RTCB: variants seen among roughly 807,000 people sequenced by gnomAD.
The protein encoded by RTCB is RNA 2',3'-cyclic phosphate and 5'-OH ligase.
Under a neutral mutation model 58.2 loss-of-function variants are expected in RTCB, and 32 were observed. The observed-to-expected ratio is 0.55, with a 90% confidence interval of 0.41 to 0.74. The LOEUF (loss-of-function observed/expected upper bound fraction) is 0.74, where lower values mean the gene tolerates loss of function less well. Among genes scored for constraint, RTCB ranks in the 30% least tolerant of loss-of-function variants. The probability of loss-of-function intolerance (pLI) is 0.00; values close to 1 mark genes in which losing one functional copy is unlikely to be tolerated. For synonymous variants in RTCB, 247 were observed against 218.6 expected (o/e 1.13, Z -1.15); for missense variants, 523 against 639.0 (o/e 0.82, Z 1.96).
chr22:32,412,212 G>C lies in RTCB; in HGVS notation c.-56C>G. ...CTCCGCTTTGAAGAGCCGCTGCCGC[G>C]TAGTCCGGCTTCTCAGAGCACCGCC... is the stretch of plus-strand genomic sequence containing the variant. On this transcript the variant is annotated 5_prime_UTR_variant, in exon 1 of 12. Coordinates refer to ENST00000216038, the MANE Select transcript of RTCB (RefSeq NM_014306.5). The C allele has an allele frequency of 1.4e-6, 2 of 1,438,928 alleles. No individual in the cohort carries two copies. Among genetic ancestry groups the C allele is most frequent in the African/African-American group, 1.4e-5 (1 of 70,578 alleles). 89.1% of individuals were successfully genotyped at this position (1,438,928 alleles called of 1,614,324 possible).
rs778540842 is a variant in RTCB, at chr22:32,388,097, A to G, written c.1413T>C (p.Ala471=). The G allele has an allele frequency of 1.9e-6, 3 of 1,596,102 alleles. No individual in the cohort carries two copies. Among genetic ancestry groups the G allele is most frequent in the East Asian group, 2.2e-5 (1 of 44,706 alleles). ...VASPKLVMEE[A]PESYKNVTDV... ...CTGTCACATTCTTATAGGACTCAGGAGCCTGCAGGAGAGGAATTTAAACAT... is the reference window on the plus strand; with the variant it reads ...CTGTCACATTCTTATAGGACTCAGGGGCCTGCAGGAGAGGAATTTAAACAT... The change falls in exon 12 of 12, where the codon GCT becomes GCC. Residue 471 remains alanine (A), a splice_region_variant and synonymous_variant. Coordinates refer to ENST00000216038, the MANE Select transcript of RTCB (RefSeq NM_014306.5).
rs1202098585 is a variant in RTCB at position 32,387,825 on chromosome 22, C to T, written c.*167G>A. The T allele has an allele frequency of 3.0e-5, 17 of 558,516 alleles. No individual in the cohort carries two copies. In the South Asian group the frequency reaches 3.0e-4, roughly 10 times the overall value. The allele number at this position is 558,516 out of a possible 1,614,324, so 34.6% of individuals were successfully genotyped here. A position where few individuals can be genotyped will look rare whatever the true frequency, so the allele number is the denominator to read the frequency against. ...TTCCTGGAAGGTTATTTTACAAGCA[C>T]GGGCCCCTGAAAGCAGCAGCCTCCC... On this transcript the variant is annotated 3_prime_UTR_variant, in exon 12 of 12. Transcript: ENST00000216038.
chr22:32,396,089 G>GA lies in RTCB; in HGVS notation c.974_975insT (p.Phe326LeufsTer16). 1.2e-6 allele frequency: 2 copies of GA among 1,614,060 alleles called. No homozygotes were observed. The highest frequency in any genetic ancestry group is 1.7e-6 in the Non-Finnish European group (2 of 1,179,932). ...TCTACTGTACCTGACGGGTTAAGAA[G>GA]GTCATGGAAGAGCGGTTGACCCAGG... On this transcript the variant is annotated frameshift_variant, in exon 8 of 12. Coordinates refer to ENST00000216038, the MANE Select transcript of RTCB (RefSeq NM_014306.5). LOFTEE classifies it high-confidence loss of function.
chr22:32,397,840 C>A, intron 7 of RTCB, 101 bp downstream of exon 7: 1 of 1,112,874 alleles, frequency 9.0e-7, no homozygotes, highest in Non-Finnish European at 1.3e-6. Flanking sequence ...TTGTTGAGGA[C>A]TCAGGATAAA....
At chr22:32,392,736 T>C (rs942815692) in intron 10 of RTCB, among the ~76,000 whole-genome samples, 1 of 152,148 alleles carries the variant, frequency 6.6e-6, no homozygotes, top group Non-Finnish European at 1.5e-5. Flanking sequence ...AATTAGGAGT[T>C]GGGAGGCAGC....
chr22:32,391,986 A>G (rs1933160589), intron 11 of RTCB, among the ~76,000 whole-genome samples: 2 of 152,224 alleles, frequency 1.3e-5, no homozygotes, highest in Admixed American at 6.5e-5. Context: ...GAAAAGCTTA[A>G]TATGTAGATG....
chr22:32,391,859 C>T (rs1933159175), intron 11 of RTCB, among the ~76,000 whole-genome samples: 1 of 152,046 alleles, frequency 6.6e-6, no homozygotes, highest in Non-Finnish European at 1.5e-5. Context: ...ATCTGTTCTC[C>T]TGTGAATCAA....
At position 32,399,777 on chromosome 22, in the gene RTCB, G is replaced by A; in HGVS notation, c.498-18C>T. 6.2e-7 allele frequency: 1 copy of A among 1,605,700 alleles called. No individual in the cohort carries two copies. Among genetic ancestry groups the A allele is most frequent in the East Asian group, 2.2e-5 (1 of 44,742 alleles). ...CCAAGTCTCTGGATAAGTATAAAAG[G>A]TGCTAGTCATCTCACAGCAAAGGCA... On this transcript the variant is annotated intron_variant, in intron 5 of 11. Transcript: ENST00000216038.
chr22:32,393,767 T>C (rs1933195248), intron 10 of RTCB, 125 bp downstream of exon 10: 1 of 690,288 alleles, frequency 1.4e-6, no homozygotes. Context: ...CAATTTGAAG[T>C]ACAAGACATG....
chr22:32,398,768 T>A (rs1933287451), intron 6 of RTCB, among the ~76,000 whole-genome samples: 1 of 152,204 alleles, frequency 6.6e-6, no homozygotes, highest in South Asian at 2.1e-4. Context: ...TTTTGAAACA[T>A]CTATGAGTTC....
rs959024723 is a variant in RTCB, at chr22:32,397,989, C to T, written c.766G>A (p.Val256Met). 9 of 1,614,018 alleles carry T rather than the reference C, an allele frequency of 5.6e-6. No homozygotes were observed. The Admixed American group carries it at 1.2e-4, about 21-fold the overall frequency. ...CCTCTGCTTCCACTGTGGATCATCA[C>T]ACACACCTGTCCCTTATGGTCGATG... is the stretch of plus-strand genomic sequence containing the variant. ...MGIDHKGQVC[V>M]MIHSGSRGLG... The change falls in exon 7 of 12, where the codon GTG becomes ATG. Residue 256 changes from valine (V) to methionine (M), a missense_variant. Val to Met is a conservative substitution (Grantham distance 21). Coordinates refer to ENST00000216038, the MANE Select transcript of RTCB (RefSeq NM_014306.5).
intron 10 of RTCB, among the ~76,000 whole-genome samples, chr22:32,392,921 C>CG (rs1407903779): frequency 6.6e-6 from 1 of 152,178 alleles, no homozygotes; most frequent in Non-Finnish European, 1.5e-5. Context: ...TATGGCCCAC[C>CG]ACCTGCTTTT....
chr22:32,399,822 C>T (rs1376232506), intron 5 of RTCB, 63 bp from the exon 6 acceptor site: 2 of 1,427,236 alleles, frequency 1.4e-6, no homozygotes, highest in Non-Finnish European at 1.9e-6. Flanking sequence ...CTAAGGATGA[C>T]CACATCCTTA....
At chr22:32,389,233 G>A (rs188114540) in intron 11 of RTCB, among the ~76,000 whole-genome samples, 1 of 152,090 alleles carries the variant, frequency 6.6e-6, no homozygotes, top group Admixed American at 6.5e-5. Context: ...GCCAATGACT[G>A]TCTCTCCCCT....
chr22:32,409,137 ACT>A (rs1223766632), intron 1 of RTCB, among the ~76,000 whole-genome samples: 1 of 151,832 alleles, frequency 6.6e-6, no homozygotes, highest in African/African-American at 2.4e-5. Flanking sequence ...TTCCAACTAT[ACT>A]CTCACAAAGC....
intron 4 of RTCB, among the ~76,000 whole-genome samples, chr22:32,402,997 G>T (rs979144691): frequency 6.6e-6 from 1 of 151,936 alleles, no homozygotes; most frequent in East Asian, 1.9e-4. Flanking sequence ...CTCCTGCCTC[G>T]GCCTCCCAAG....
chr22:32,408,813 C>T lies in RTCB; in HGVS notation c.114G>A (p.Val38=). ...PNMQVEGVFY[V]NDALEKLMFE... is the part of the protein sequence containing the mutation. ...ACATCAATTTCTCCAGAGCATCATTCACATAGAAAACACCTTCAACCTAGT... is the reference window on the plus strand; with the variant it reads ...ACATCAATTTCTCCAGAGCATCATTTACATAGAAAACACCTTCAACCTAGT... The change falls in exon 2 of 12, where the codon GTG becomes GTA. Residue 38 remains valine (V), a synonymous_variant. Transcript: ENST00000216038. 6.2e-7 allele frequency: 1 copy of T among 1,613,894 alleles called. No homozygotes were observed. The highest frequency in any genetic ancestry group is 8.5e-7 in the Non-Finnish European group (1 of 1,179,788).
intron 3 of RTCB, 82 bp downstream of exon 3, chr22:32,408,093 A>T (rs1175693707): frequency 7.9e-7 from 1 of 1,266,504 alleles, no homozygotes; most frequent in Non-Finnish European, 1.1e-6. Context: ...TGTCTAAATG[A>T]CACCACTATC....
Position 32,388,006 on chromosome 22 carries a change from C to T in RTCB, c.1504G>A (p.Val502Met). 6.2e-7 allele frequency: 1 copy of T among 1,612,210 alleles called. No homozygotes were observed. The highest frequency in any genetic ancestry group is 1.1e-5 in the South Asian group (1 of 91,040). ...TGTCCAAGGTTCTATCCTTTGATCA[C>T]AGCAATTGGTCTCAGTTTAATGGCT... is the stretch of plus-strand genomic sequence containing the variant. ...KKAIKLRPIA[V>M]IKG is the part of the protein sequence containing the mutation. Residue 502 changes from valine to methionine, a missense_variant, in exon 12 of 12, where the codon GTG (valine) becomes ATG (methionine). Val to Met is a conservative substitution (Grantham distance 21). Transcript: ENST00000216038.
Sources: allele counts gnomAD v4.1 joint callset (sites outside exome capture counted in the v4.1 genomes callset), GRCh38; gene constraint gnomAD v4.1.1; transcripts MANE v1.5; gene names NCBI Gene and HGNC (gene_info 2026-07-23, HGNC 2026-07-21).